MCPH1: variants seen among roughly 807,000 people sequenced by gnomAD.
The protein encoded by MCPH1 is microcephalin 1.
In MCPH1, 104 loss-of-function variants were observed where a neutral mutation model predicts 84.5. That is an observed-to-expected ratio of 1.23 (90% confidence interval 1.05 to 1.45). MCPH1 has a LOEUF of 1.45. Among genes scored for constraint, MCPH1 ranks in the 40% most tolerant of loss-of-function variants. The probability of loss-of-function intolerance (pLI) is 0.00; values close to 1 mark genes in which losing one functional copy is unlikely to be tolerated. For synonymous variants in MCPH1, 514 were observed against 366.8 expected (o/e 1.40, Z -4.58); for missense variants, 1,498 against 1,005.7 (o/e 1.49, Z -6.62).
chr8:6,624,694 C>G (rs1211570049), intron 13 of MCPH1, among the ~76,000 whole-genome samples: 1 of 151,994 alleles, frequency 6.6e-6, no homozygotes, highest in Admixed American at 6.6e-5. Flanking sequence ...TTGTATTTTT[C>G]TCTTTGTGAA....
At chr8:6,499,275 A>G (rs1249404441) in intron 11 of MCPH1, among the ~76,000 whole-genome samples, 1 of 152,060 alleles carries the variant, frequency 6.6e-6, no homozygotes, top group African/African-American at 2.4e-5. Context: ...GGGGATTCAA[A>G]TACTAAGAGG....
At chr8:6,477,379 G>A (rs1586004100) in intron 9 of MCPH1, 1 of 546,448 alleles carries the variant, frequency 1.8e-6, no homozygotes. Context: ...CTCATGTCTG[G>A]ATTATTTTGG....
At chr8:6,642,862 G>GA in intron 13 of MCPH1, 132 bp from the exon 14 acceptor site, 1 of 783,018 alleles carries the variant, frequency 1.3e-6, no homozygotes, top group East Asian at 2.6e-5. Flanking sequence ...TATGGACGTG[G>GA]GGGGGCCTAT....
intron 12 of MCPH1, among the ~76,000 whole-genome samples, chr8:6,580,802 C>G (rs1827510208): frequency 6.6e-6 from 1 of 152,204 alleles, no homozygotes; most frequent in African/African-American, 2.4e-5. Flanking sequence ...CCCTTAAATA[C>G]AAGTCTTCTG....
At position 6,445,409 on chromosome 8, in the gene MCPH1, A is replaced by G. The variant is rs1423713135; in HGVS notation, c.1687A>G (p.Asn563Asp). 3.1e-6 allele frequency: 5 copies of G among 1,614,266 alleles called. No individual in the cohort carries two copies. Among genetic ancestry groups the G allele is most frequent in the Non-Finnish European group, 4.2e-6 (5 of 1,180,050 alleles). ...KEAVGLKSTQNKGTTSKISNS... is the reference protein window; with the variant it reads ...KEAVGLKSTQDKGTTSKISNS... The stretch of plus-strand genomic sequence containing the variant: ...AGCGGTTGGTCTGAAAAGCACACAG[A>G]ACAAAGGTACCACTTCCAAAATATC... The change falls in exon 8 of 14, where the codon AAC becomes GAC. Residue 563 changes from asparagine to aspartate, a missense_variant. By Grantham distance (23) the Asn-to-Asp change is conservative (BLOSUM62 1). Transcript: ENST00000344683.
intron 13 of MCPH1, among the ~76,000 whole-genome samples, chr8:6,639,818 T>C (rs1797809431): frequency 6.6e-6 from 1 of 152,218 alleles, no homozygotes; most frequent in Non-Finnish European, 1.5e-5. Context: ...GCTTAACACA[T>C]ATACAGCTAC....
At chr8:6,523,058 T>C (rs935474154) in intron 12 of MCPH1, among the ~76,000 whole-genome samples, 1 of 151,794 alleles carries the variant, frequency 6.6e-6, no homozygotes, top group Non-Finnish European at 1.5e-5. Flanking sequence ...AGTGCAAGGG[T>C]GCCATCTTGG....
rs575512192 is a variant in MCPH1 at position 6,422,887 on chromosome 8, A to C, written c.233+8004A>C. Among the ~76,000 whole-genome samples, 3 of 151,640 alleles carry C rather than the reference A, an allele frequency of 2.0e-5. No individual in the cohort carries two copies. In the South Asian group the frequency reaches 6.3e-4, roughly 32 times the overall value. On this transcript the variant is annotated intron_variant, in intron 3 of 13. Transcript: ENST00000344683. ...GTGGTTTTAGTAGAGACGGGGTTTC[A>C]CTGTGTTAGCCAGGATGGTCTCGAT...
chr8:6,459,480 A>T (rs1479105718), intron 9 of MCPH1, among the ~76,000 whole-genome samples: 1 of 152,206 alleles, frequency 6.6e-6, no homozygotes, highest in African/African-American at 2.4e-5. Flanking sequence ...ATTAAGCACA[A>T]AATTGTTTCT....
intron 12 of MCPH1, among the ~76,000 whole-genome samples, chr8:6,568,182 C>A (rs759599021): frequency 5.9e-5 from 9 of 152,114 alleles, no homozygotes; most frequent in Admixed American, 5.9e-4. Flanking sequence ...GGCCCTAAGG[C>A]GCAAACAAGA....
chr8:6,415,249 G>A (rs1451833872), intron 3 of MCPH1, among the ~76,000 whole-genome samples: 1 of 151,536 alleles, frequency 6.6e-6, no homozygotes, highest in Non-Finnish European at 1.5e-5. Context: ...TCACAACTCT[G>A]GAGGCAGGAA....
intron 12 of MCPH1, among the ~76,000 whole-genome samples, chr8:6,599,313 C>T (rs958101067): frequency 1.3e-5 from 2 of 152,164 alleles, no homozygotes; most frequent in Non-Finnish European, 2.9e-5. Context: ...GTGACTCAGG[C>T]TTACTTGAAG....
rs143393335 is a variant in MCPH1 at position 6,444,713 on chromosome 8, C to A, written c.991C>A (p.Arg331Ser). Residue 331 changes from arginine (R) to serine (S), a missense_variant, in exon 8 of 14, where the codon CGT (arginine) becomes AGT (serine). Coordinates refer to ENST00000344683, the MANE Select transcript of MCPH1 (RefSeq NM_024596.5). ...TCAGGAGACGTTTGAAGAGAAGTAT[C>A]GTTTGTCTCCTACCTTATCTTCAAC... is the stretch of plus-strand genomic sequence containing the variant. ...MSQETFEEKY[R>S]LSPTLSSTKG... 3.7e-6 allele frequency: 6 copies of A among 1,613,908 alleles called. No individual in the cohort carries two copies. The African/African-American group carries it at 5.3e-5, about 14-fold the overall frequency.
rs778702527 is a variant in MCPH1 at position 6,646,314 on chromosome 8, T to C, written c.*3265T>C. ...GATGGCACACACCTGTAATCTCAGTTACTCAGGAGGCTGAAGCAGAATAGC... is the reference window on the plus strand; with the variant it reads ...GATGGCACACACCTGTAATCTCAGTCACTCAGGAGGCTGAAGCAGAATAGC... On this transcript the variant is annotated 3_prime_UTR_variant, in exon 14 of 14. Coordinates refer to ENST00000344683, the MANE Select transcript of MCPH1 (RefSeq NM_024596.5). The C allele has an allele frequency of 1.3e-5, 2 of 152,302 alleles. No homozygotes were observed. The highest frequency in any genetic ancestry group is 4.1e-4 in the South Asian group (2 of 4,822). 9.4% of individuals were successfully genotyped at this position (152,302 alleles called of 1,614,324 possible). A position where few individuals can be genotyped will look rare whatever the true frequency, so the allele number is the denominator to read the frequency against.
At chr8:6,508,315 G>A (rs1418295938) in intron 12 of MCPH1, 1 of 152,560 alleles carries the variant, frequency 6.6e-6, no homozygotes, top group East Asian at 1.9e-4. Context: ...CGGGTGCACT[G>A]GTGGGCGCCT....
intron 13 of MCPH1, chr8:6,626,636 A>G (rs1642442409): frequency 1.0e-6 from 1 of 984,910 alleles, no homozygotes; most frequent in African/African-American, 1.7e-5. Context: ...GCATTTGCTA[A>G]TGGTTGCATT....
intron 12 of MCPH1, among the ~76,000 whole-genome samples, chr8:6,511,398 C>T (rs1335366295): frequency 6.6e-6 from 1 of 151,772 alleles, no homozygotes; most frequent in African/African-American, 2.4e-5. Flanking sequence ...TATAAAACTG[C>T]CAGAATGTGT....
chr8:6,466,522 T>C (rs529387455), intron 9 of MCPH1, among the ~76,000 whole-genome samples: 35 of 152,318 alleles, frequency 2.3e-4, no homozygotes, highest in African/African-American at 7.5e-4. Flanking sequence ...TTAGCCAGGA[T>C]GGTCTCACTC....
intron 12 of MCPH1, among the ~76,000 whole-genome samples, chr8:6,533,569 CTTTTTTTTTTT>C (rs56882906): frequency 0.11 from 12,644 of 113,486 alleles, 643 homozygotes; most frequent in African/African-American, 0.17. Context: ...CGTTTAGTTT[CTTTTTTTTTTT>C]TTTTTTTTTT....
Sources: allele counts gnomAD v4.1 joint callset (sites outside exome capture counted in the v4.1 genomes callset), GRCh38; gene constraint gnomAD v4.1.1; transcripts MANE v1.5; gene names NCBI Gene and HGNC (gene_info 2026-07-23, HGNC 2026-07-21).